Variants in LAMC1 observed in about 807,000 individuals in gnomAD.
LAMC1 encodes the protein laminin subunit gamma 1.
A neutral mutation model predicts 173.6 loss-of-function variants in LAMC1; 38 were observed. The ratio of observed to expected loss-of-function variants is 0.22; its 90% CI spans 0.17 to 0.29. The LOEUF (loss-of-function observed/expected upper bound fraction) is 0.29, where lower values mean the gene tolerates loss of function less well. Ranked by LOEUF, LAMC1 falls within the 10% of genes least tolerant of loss-of-function variation. The pLI is 1.00. For synonymous variants in LAMC1, 746 were observed against 749.1 expected, an observed-to-expected ratio of 1.00 and a Z score of 0.07; for missense variants, 1,824 against 2,051.8, an observed-to-expected ratio of 0.89 and a Z score of 2.14.
intron 2 of LAMC1, among the ~76,000 whole-genome samples, chr1:183,106,827 C>T (rs1655988813): frequency 6.6e-6 from 1 of 152,076 alleles, no homozygotes; most frequent in Non-Finnish European, 1.5e-5. Flanking sequence ...GGATTTACAC[C>T]ACAGCGGAAG....
At chr1:183,031,187 A>AG (rs1653839764) in intron 1 of LAMC1, among the ~76,000 whole-genome samples, 1 of 152,256 alleles carries the variant, frequency 6.6e-6, no homozygotes, top group African/African-American at 2.4e-5. Flanking sequence ...GGATAGTGAA[A>AG]GGACTGTAAA....
intron 1 of LAMC1, among the ~76,000 whole-genome samples, chr1:183,054,178 C>G (rs1654518415): frequency 6.6e-6 from 1 of 152,180 alleles, no homozygotes; most frequent in African/African-American, 2.4e-5. Flanking sequence ...CACTTAATAG[C>G]TAACATTTAT....
chr1:183,036,072 T>C (rs1653971388), intron 1 of LAMC1, among the ~76,000 whole-genome samples: 1 of 150,674 alleles, frequency 6.6e-6, no homozygotes, highest in South Asian at 2.1e-4. Flanking sequence ...AAAACTACCC[T>C]CACACTTTGT....
chr1:183,044,995 C>T (rs1571405903), intron 1 of LAMC1, among the ~76,000 whole-genome samples: 1 of 151,774 alleles, frequency 6.6e-6, no homozygotes, highest in East Asian at 1.9e-4. Flanking sequence ...TGTAATACTT[C>T]CCTTGTACAT....
intron 16 of LAMC1, 60 bp from the exon 17 acceptor site, chr1:183,127,166 T>G: frequency 6.7e-7 from 1 of 1,496,102 alleles, no homozygotes; most frequent in Non-Finnish European, 9.2e-7. Context: ...TCAGTCTGAA[T>G]TAAGAGATAT....
chr1:183,056,202 C>T (rs952537261), intron 1 of LAMC1, among the ~76,000 whole-genome samples: 4 of 152,286 alleles, frequency 2.6e-5, no homozygotes, highest in South Asian at 4.2e-4. Context: ...TGTCAGGCCT[C>T]CTTGGATATA....
intron 1 of LAMC1, among the ~76,000 whole-genome samples, chr1:183,088,860 C>A (rs1275577916): frequency 6.6e-6 from 1 of 152,134 alleles, no homozygotes. Context: ...GATGGCAAGA[C>A]TGGAACAGAG....
rs760327677 is a variant in LAMC1 at position 183,121,972 on chromosome 1, C to T, written c.2212+28C>T. 8 of 1,610,166 alleles carry T rather than the reference C, an allele frequency of 5.0e-6. No individual in the cohort carries two copies. The African/African-American group carries it at 1.1e-4, about 22-fold the overall frequency. ...GAGATGATCTTTGGCAGCTCTTAGA[C>T]CTAACTTCTCTTTAGCAATTGTGTA... On this transcript the variant is annotated intron_variant, in intron 12 of 27. Transcript: ENST00000258341.
chr1:183,126,470 T>G (rs1046883409), intron 16 of LAMC1, among the ~76,000 whole-genome samples: 1 of 152,272 alleles, frequency 6.6e-6, no homozygotes. Context: ...TTGTATGTTT[T>G]CTTTTACAAC....
rs548388709 is a variant in LAMC1 at position 183,143,315 on chromosome 1, G to A, written c.*525G>A. On this transcript the variant is annotated 3_prime_UTR_variant, in exon 28 of 28. Coordinates refer to ENST00000258341, the MANE Select transcript of LAMC1 (RefSeq NM_002293.4). ...CTAAGCAAAAGGAAATAAACATCCT[G>A]TGCCAAAGGTATTGGTCATTTAGAA... 6.1e-4 allele frequency: 95 copies of A among 155,640 alleles called. 1 individual carries two copies. The Middle Eastern group carries it at 0.024, about 39-fold the overall frequency. The allele number at this position is 155,640 out of a possible 1,614,324, so 9.6% of individuals were successfully genotyped here.
chr1:183,130,256 G>A, intron 18 of LAMC1, 88 bp from the exon 19 acceptor site: 2 of 1,182,522 alleles, frequency 1.7e-6, no homozygotes, highest in Non-Finnish European at 2.5e-6. Context: ...GTTTAGAAGA[G>A]TAGAGATACA....
At chr1:183,109,897 C>T (rs1391495182) in intron 3 of LAMC1, among the ~76,000 whole-genome samples, 1 of 152,192 alleles carries the variant, frequency 6.6e-6, no homozygotes, top group African/African-American at 2.4e-5. Context: ...GACTACCAAA[C>T]ATCCATATGG....
intron 11 of LAMC1, among the ~76,000 whole-genome samples, chr1:183,121,438 T>C (rs957735034): frequency 6.6e-6 from 1 of 151,900 alleles, no homozygotes; most frequent in Admixed American, 6.6e-5. Context: ...TAAATAAATA[T>C]ATATATAAAC....
chr1:183,049,581 A>G (rs1024719360), intron 1 of LAMC1, among the ~76,000 whole-genome samples: 1 of 151,794 alleles, frequency 6.6e-6, no homozygotes, highest in Non-Finnish European at 1.5e-5. Flanking sequence ...CTCCTGCCTC[A>G]GCCTCCCGTG....
At chr1:183,122,476 T>A (rs1216791444) in intron 13 of LAMC1, among the ~76,000 whole-genome samples, 1 of 152,230 alleles carries the variant, frequency 6.6e-6, no homozygotes. Context: ...GTCACCTTGA[T>A]CTACCGTCTC....
intron 1 of LAMC1, among the ~76,000 whole-genome samples, chr1:183,027,423 A>C (rs1373756912): frequency 6.6e-6 from 1 of 152,216 alleles, no homozygotes. Flanking sequence ...AGTAGTTGAT[A>C]CTAAGATTGT....
Position 183,142,817 on chromosome 1 carries a change from C to T in LAMC1, c.*27C>T. 1 of 1,580,036 alleles carries T rather than the reference C, an allele frequency of 6.3e-7. No individual in the cohort carries two copies. Among genetic ancestry groups the T allele is most frequent in the Non-Finnish European group, 8.6e-7 (1 of 1,164,152 alleles). ...GTCTTTAGGGCTGGAAGGCAGCATC[C>T]CTCTGACAGGGGGGCAGTTGTGAGG... On this transcript the variant is annotated 3_prime_UTR_variant, in exon 28 of 28. Coordinates refer to ENST00000258341, the MANE Select transcript of LAMC1 (RefSeq NM_002293.4).
At position 183,114,603 on chromosome 1, in the gene LAMC1, G is replaced by A; in HGVS notation, c.1094G>A (p.Gly365Asp). 1 of 1,614,174 alleles carries A rather than the reference G, an allele frequency of 6.2e-7. No homozygotes were observed. Among genetic ancestry groups the A allele is most frequent in the Non-Finnish European group, 8.5e-7 (1 of 1,180,022 alleles). ...CTCTATCGTTCCACTGGCCATGGGGGCCACTGTACCAACTGCCAGGATAAC... is the reference window on the plus strand; with the variant it reads ...CTCTATCGTTCCACTGGCCATGGGGACCACTGTACCAACTGCCAGGATAAC... ...PELYRSTGHG[G>D]HCTNCQDNTD... Residue 365 changes from glycine to aspartate, a missense_variant, in exon 5 of 28, where the codon GGC becomes GAC. Gly to Asp is a moderately conservative substitution (Grantham distance 94, BLOSUM62 -1). Coordinates refer to ENST00000258341, the MANE Select transcript of LAMC1 (RefSeq NM_002293.4).
At chr1:183,039,904 C>T (rs1349273223) in intron 1 of LAMC1, among the ~76,000 whole-genome samples, 1 of 152,162 alleles carries the variant, frequency 6.6e-6, no homozygotes, top group Non-Finnish European at 1.5e-5. Flanking sequence ...AGGTAGGTAT[C>T]TGCTTTTTGG....
Sources: gnomAD v4.1 joint callset for allele counts (sites outside exome capture counted in the v4.1 genomes callset) on GRCh38, gnomAD v4.1.1 for gene constraint, MANE v1.5 for transcripts, NCBI Gene and HGNC (gene_info 2026-07-23, HGNC 2026-07-21) for gene names.